SOBP: variants seen among roughly 807,000 people sequenced by gnomAD.
SOBP encodes sine oculis binding protein homolog, also known as sine oculis-binding protein homolog.
A neutral mutation model predicts 53.6 loss-of-function variants in SOBP; 4 were observed. That is an observed-to-expected ratio of 0.07 (90% CI 0.04 to 0.17). SOBP has a LOEUF of 0.17. SOBP is among the 10% of genes least tolerant of loss of function. SOBP has a pLI of 1.00. For synonymous variants in SOBP, 584 were observed against 522.6 expected (o/e 1.12, Z -1.60); for missense variants, 1,088 against 1,204.7 (o/e 0.90, Z 1.43).
chr6:107,508,849 G>A (rs568398860), intron 3 of SOBP, among the ~76,000 whole-genome samples: 4 of 152,302 alleles, frequency 2.6e-5, no homozygotes, highest in Admixed American at 2.0e-4. Flanking sequence ...TAAATGTAGA[G>A]TTTACGTTTG....
intron 4 of SOBP, among the ~76,000 whole-genome samples, chr6:107,567,634 G>A (rs541578758): frequency 3.3e-5 from 5 of 152,270 alleles, no homozygotes; most frequent in South Asian, 4.1e-4. Flanking sequence ...AATATACTTT[G>A]TATTAAAATG....
At position 107,612,879 on chromosome 6, in the gene SOBP, A is replaced by G. The variant is rs1378313324; in HGVS notation, c.670-20635A>G. On this transcript the variant is annotated intron_variant, in intron 5 of 6. Coordinates refer to ENST00000317357, the MANE Select transcript of SOBP (RefSeq NM_018013.4). ...AGTCTGGTTTATTTTGCCTAGCAGA[A>G]TGTTTTCAAGGTTCCTACATGTTTT... Among the ~76,000 whole-genome samples, 3 of 152,188 alleles carry G rather than the reference A, an allele frequency of 2.0e-5. No individual in the cohort carries two copies. In the East Asian group the frequency reaches 5.8e-4, roughly 29 times the overall value.
chr6:107,492,112 G>C (rs900777580), intron 1 of SOBP, among the ~76,000 whole-genome samples: 5 of 152,110 alleles, frequency 3.3e-5, no homozygotes, highest in African/African-American at 1.2e-4. Flanking sequence ...GATTTGCCTT[G>C]GAAATCAATG....
At chr6:107,628,554 A>G (rs1770565997) in intron 5 of SOBP, among the ~76,000 whole-genome samples, 1 of 152,250 alleles carries the variant, frequency 6.6e-6, no homozygotes, top group South Asian at 2.1e-4. Flanking sequence ...CATGTGGGAC[A>G]GGCTGGGGAT....
chr6:107,652,987 CA>C (rs199883003), intron 6 of SOBP, among the ~76,000 whole-genome samples: 1,836 of 152,052 alleles, frequency 0.012, 36 homozygotes, highest in African/African-American at 0.042. Flanking sequence ...GGAAACCCTC[CA>C]AAAAAATGCA....
In SOBP at chr6:107,506,235, T is replaced by G. The variant is rs1782987963; in HGVS notation, c.236-7T>G. ...GTCACATTGAATATGATTTTTTTCT[T>G]TTACAGAAAATTCTTTGCCAAAACC... On this transcript the variant is annotated splice_polypyrimidine_tract_variant and splice_region_variant and intron_variant, in intron 2 of 6. Transcript: ENST00000317357. 1 of 1,613,366 alleles carries G rather than the reference T, an allele frequency of 6.2e-7. No homozygotes were observed. Among genetic ancestry groups the G allele is most frequent in the African/African-American group, 1.3e-5 (1 of 74,918 alleles).
At chr6:107,612,013 A>C (rs945444721) in intron 5 of SOBP, among the ~76,000 whole-genome samples, 1 of 152,192 alleles carries the variant, frequency 6.6e-6, no homozygotes, top group Non-Finnish European at 1.5e-5. Context: ...GGGCTGGCAC[A>C]CACGTTCTTT....
At chr6:107,572,145 A>G (rs1785090631) in intron 4 of SOBP, among the ~76,000 whole-genome samples, 1 of 152,236 alleles carries the variant, frequency 6.6e-6, no homozygotes, top group Admixed American at 6.5e-5. Flanking sequence ...TGTTTCAGAA[A>G]GATAAGGGTG....
rs202244947 is a variant in SOBP at position 107,505,258 on chromosome 6, G to A, written c.236-984G>A. On this transcript the variant is annotated intron_variant, in intron 2 of 6. Coordinates refer to ENST00000317357, the MANE Select transcript of SOBP (RefSeq NM_018013.4). ...TAGGCTTTCCCCTGGTAGCCAGAGA[G>A]CTATGCTTGCTGTATATCATGTTGT... 4.6e-5 allele frequency among the ~76,000 whole-genome samples: 7 copies of A among 152,126 alleles called. No homozygotes were observed. In the East Asian group the frequency reaches 7.7e-4, roughly 17 times the overall value.
chr6:107,508,947 A>G (rs913666943), intron 3 of SOBP, among the ~76,000 whole-genome samples: 10 of 152,234 alleles, frequency 6.6e-5, no homozygotes, highest in Admixed American at 5.9e-4. Flanking sequence ...CATGGGGTTC[A>G]GATTCAGACA....
intron 5 of SOBP, among the ~76,000 whole-genome samples, chr6:107,590,828 A>G (rs754462612): frequency 2.8e-4 from 43 of 152,206 alleles, no homozygotes; most frequent in Non-Finnish European, 5.1e-4. Context: ...CAGGTGGATT[A>G]TAAGAGTTGC....
intron 4 of SOBP, among the ~76,000 whole-genome samples, chr6:107,544,236 A>G (rs1487659181): frequency 1.3e-5 from 2 of 152,208 alleles, no homozygotes; most frequent in Non-Finnish European, 2.9e-5. Flanking sequence ...AAGAATTGTG[A>G]CACAGTCTGA....
chr6:107,617,820 C>CTTTTTTTTTTTTTTT (rs71551315), intron 5 of SOBP, among the ~76,000 whole-genome samples: 1 of 101,188 alleles, frequency 9.9e-6, no homozygotes, highest in Non-Finnish European at 1.9e-5. Flanking sequence ...TGTATGACTC[C>CTTTTTTTTTTTTTTT]TTTTTTTTTT....
chr6:107,590,109 AT>A (rs1451839644), intron 5 of SOBP, among the ~76,000 whole-genome samples: 1 of 152,162 alleles, frequency 6.6e-6, no homozygotes, highest in East Asian at 1.9e-4. Context: ...AAATGCTCGT[AT>A]CTCTGGCTAG....
chr6:107,559,197 A>G (rs1487714527), intron 4 of SOBP, among the ~76,000 whole-genome samples: 1 of 152,248 alleles, frequency 6.6e-6, no homozygotes, highest in Non-Finnish European at 1.5e-5. Flanking sequence ...AAATGTTAAA[A>G]AAAAAAGCTA....
chr6:107,516,176 T>TA (rs1177437804), intron 3 of SOBP, among the ~76,000 whole-genome samples: 24 of 152,096 alleles, frequency 1.6e-4, no homozygotes, highest in Admixed American at 1.6e-3. Flanking sequence ...AGATGATCAT[T>TA]ATGGGCCAGG....
chr6:107,579,214 C>T (rs1016246543), intron 4 of SOBP, among the ~76,000 whole-genome samples: 7 of 152,016 alleles, frequency 4.6e-5, no homozygotes, highest in African/African-American at 1.7e-4. Flanking sequence ...AATCCAGTGT[C>T]GATTAAGCTT....
rs1307992804 is a variant in SOBP at position 107,634,160 on chromosome 6, G to C, written c.1316G>C (p.Gly439Ala). 9 of 1,611,058 alleles carry C rather than the reference G, an allele frequency of 5.6e-6. No homozygotes were observed. Among genetic ancestry groups the C allele is most frequent in the Non-Finnish European group, 6.8e-6 (8 of 1,179,410 alleles). ...CTTCCCGGCATCGGGCCCCCGCCCG[G>C]TGGCCCCAGAAACCTGGGCCCCACT... Reference protein sequence around the residue: ...PMLPGIGPPPGGPRNLGPTSS... With the variant: ...PMLPGIGPPPAGPRNLGPTSS... The change falls in exon 6 of 7, where the codon GGT becomes GCT. Residue 439 changes from glycine (G) to alanine (A), a missense_variant. By Grantham distance (60) the Gly-to-Ala change is moderately conservative. Coordinates refer to ENST00000317357, the MANE Select transcript of SOBP (RefSeq NM_018013.4). This position sits in a 1 kb window ranked among gnomAD's most constrained non-coding sequence, Gnocchi z 4.5.
At chr6:107,645,312 C>T (rs1048667112) in intron 6 of SOBP, among the ~76,000 whole-genome samples, 4 of 152,304 alleles carry the variant, frequency 2.6e-5, no homozygotes, top group Admixed American at 2.6e-4. Flanking sequence ...AAGCAGTCCC[C>T]TTTTGCTCAT....
Sources: gnomAD v4.1 joint callset for allele counts (sites outside exome capture counted in the v4.1 genomes callset) on GRCh38, gnomAD v4.1.1 for gene constraint, Gnocchi (gnomAD v3.1) non-coding constraint, MANE v1.5 for transcripts, NCBI Gene and HGNC (gene_info 2026-07-23, HGNC 2026-07-21) for gene names.